The following PCDHA13 variants were observed in gnomAD, a reference collection of about 807,000 sequenced individuals.
PCDHA13 encodes the protein protocadherin alpha 13.
A neutral mutation model predicts 64.8 loss-of-function variants in PCDHA13; 54 were observed. That is an observed-to-expected ratio of 0.83 (90% CI 0.67 to 1.04). PCDHA13 has a LOEUF of 1.04. Among genes scored for constraint, PCDHA13 ranks in the 50% least tolerant of loss-of-function variants. The probability of loss-of-function intolerance (pLI) is 0.00; values close to 1 mark genes in which losing one functional copy is unlikely to be tolerated. For synonymous variants in PCDHA13, 587 were observed against 564.4 expected, an observed-to-expected ratio of 1.04 and a Z score of -0.57; for missense variants, 1,248 against 1,254.3, an observed-to-expected ratio of 0.99 and a Z score of 0.08.
intron 1 of PCDHA13, among the ~76,000 whole-genome samples, chr5:140,948,267 A>G (rs964252489): frequency 1.3e-5 from 2 of 151,646 alleles, no homozygotes. Flanking sequence ...GTGTTCATGT[A>G]GAATATCTGT....
At chr5:140,902,395 G>A (rs782771913) in intron 1 of PCDHA13, among the ~76,000 whole-genome samples, 2 of 151,802 alleles carry the variant, frequency 1.3e-5, no homozygotes, top group Non-Finnish European at 2.9e-5. Context: ...GTACTATGTT[G>A]AATACTATGT....
chr5:140,939,967 C>T (rs527732118), intron 1 of PCDHA13, among the ~76,000 whole-genome samples: 8 of 152,210 alleles, frequency 5.3e-5, no homozygotes, highest in African/African-American at 1.7e-4. Context: ...AAGTGTTCCA[C>T]GATGAATAGT....
chr5:140,900,651 A>G (rs1386674800), intron 1 of PCDHA13, among the ~76,000 whole-genome samples: 3 of 152,232 alleles, frequency 2.0e-5, no homozygotes, highest in African/African-American at 7.2e-5. Flanking sequence ...ACACTGCTGC[A>G]ATGAACAATG....
At chr5:140,916,417 A>G (rs2077566178) in intron 1 of PCDHA13, among the ~76,000 whole-genome samples, 1 of 152,246 alleles carries the variant, frequency 6.6e-6, no homozygotes. Flanking sequence ...AAGTCAGCAC[A>G]TCTCAGAACC....
At chr5:140,885,664 A>G (rs2060680895) in intron 1 of PCDHA13, among the ~76,000 whole-genome samples, 1 of 152,174 alleles carries the variant, frequency 6.6e-6, no homozygotes, top group Non-Finnish European at 1.5e-5. Context: ...ACCAGTTATG[A>G]GCACTCTTTC....
chr5:140,982,224 A>T, intron 2 of PCDHA13: 1 of 587,320 alleles, frequency 1.7e-6, no homozygotes, highest in South Asian at 3.8e-5. Context: ...TGGCGTTAAT[A>T]AAAAACAGAA....
At chr5:141,007,318 A>C (rs2098314985) in intron 3 of PCDHA13, among the ~76,000 whole-genome samples, 1 of 151,736 alleles carries the variant, frequency 6.6e-6, no homozygotes, top group South Asian at 2.1e-4. Flanking sequence ...TGGGAGGCTA[A>C]AGTGGACAGA....
chr5:140,926,495 T>G (rs1033428952), intron 1 of PCDHA13: 3 of 181,806 alleles, frequency 1.7e-5, no homozygotes, highest in Non-Finnish European at 3.4e-5. Flanking sequence ...TGTTAGTGTC[T>G]CGGGGCGTCT....
In PCDHA13 at chr5:140,978,000, T is replaced by G. The variant is rs564788160; in HGVS notation, c.2395-949T>G. 2.0e-5 allele frequency among the ~76,000 whole-genome samples: 3 copies of G among 152,212 alleles called. No homozygotes were observed. In the South Asian group the frequency reaches 6.2e-4, roughly 32 times the overall value. On this transcript the variant is annotated intron_variant, in intron 1 of 3. Coordinates refer to ENST00000289272, the MANE Select transcript of PCDHA13 (RefSeq NM_018904.3). ...AACGCATCTAGAGGAGTGTCACAAG[T>G]TTTTCACAGTGACATTTTTGCTTAC...
chr5:140,999,338 G>T (rs1451765927), intron 3 of PCDHA13, among the ~76,000 whole-genome samples: 2 of 152,126 alleles, frequency 1.3e-5, no homozygotes, highest in African/African-American at 2.4e-5. Context: ...TGATTTATAA[G>T]CCTTGTCTCT....
At chr5:140,891,970 C>T (rs1554185021) in intron 1 of PCDHA13, among the ~76,000 whole-genome samples, 1 of 152,168 alleles carries the variant, frequency 6.6e-6, no homozygotes, top group African/African-American at 2.4e-5. Flanking sequence ...AGTAAATTTC[C>T]GTTCTCATAA....
intron 1 of PCDHA13, 150 bp downstream of exon 1, chr5:140,884,812 G>A: frequency 9.0e-7 from 1 of 1,117,104 alleles, no homozygotes; most frequent in Non-Finnish European, 1.2e-6. Flanking sequence ...ACTCTGCTGT[G>A]GACATTATGT....
At chr5:140,970,663 CAAAT>C (rs1216768545) in intron 1 of PCDHA13, among the ~76,000 whole-genome samples, 1 of 152,136 alleles carries the variant, frequency 6.6e-6, no homozygotes, top group Non-Finnish European at 1.5e-5. Flanking sequence ...GTTATCTTTC[CAAAT>C]AACTACTTTG....
chr5:140,945,605 C>G (rs564297850), intron 1 of PCDHA13, among the ~76,000 whole-genome samples: 1 of 152,166 alleles, frequency 6.6e-6, no homozygotes, highest in East Asian at 1.9e-4. Context: ...CTATAATAAT[C>G]AAAACAGCAT....
In PCDHA13 at chr5:141,011,970, C is replaced by T. The variant is rs975637071; in HGVS notation, c.*2033C>T. ...AGCATTAAATTTAAAAAAAAACTGT[C>T]TTGTCTACTTTTAGCTTCATTCTCC... On this transcript the variant is annotated 3_prime_UTR_variant, in exon 4 of 4. Coordinates refer to ENST00000289272, the MANE Select transcript of PCDHA13 (RefSeq NM_018904.3). 6.5e-6 allele frequency: 1 copy of T among 153,576 alleles called. No homozygotes were observed. Among genetic ancestry groups the T allele is most frequent in the African/African-American group, 2.4e-5 (1 of 41,406 alleles). The allele number at this position is 153,576 out of a possible 1,614,324, so 9.5% of individuals were successfully genotyped here.
At chr5:140,898,664 G>C (rs1360946717) in intron 1 of PCDHA13, among the ~76,000 whole-genome samples, 1 of 152,190 alleles carries the variant, frequency 6.6e-6, no homozygotes, top group Non-Finnish European at 1.5e-5. Flanking sequence ...GATTGACTTG[G>C]TGTTGCGGGC....
intron 1 of PCDHA13, chr5:140,968,160 A>G: frequency 7.4e-6 from 12 of 1,614,104 alleles, no homozygotes; most frequent in Non-Finnish European, 1.0e-5. Context: ...ATCAATGACA[A>G]TCCACCAAGC....
chr5:141,006,356 C>T (rs1342790572), intron 3 of PCDHA13, among the ~76,000 whole-genome samples: 4 of 151,920 alleles, frequency 2.6e-5, no homozygotes, highest in South Asian at 2.1e-4. Flanking sequence ...GGACTATAGG[C>T]GCCCACCACC....
intron 1 of PCDHA13, among the ~76,000 whole-genome samples, chr5:140,891,866 T>C (rs2063289213): frequency 6.6e-6 from 1 of 152,184 alleles, no homozygotes; most frequent in Non-Finnish European, 1.5e-5. Flanking sequence ...TCTCTTATGC[T>C]TTTGGCTCTG....
Sources: gnomAD v4.1 joint callset for allele counts (sites outside exome capture counted in the v4.1 genomes callset) on GRCh38, gnomAD v4.1.1 for gene constraint, MANE v1.5 for transcripts, NCBI Gene and HGNC (gene_info 2026-07-23, HGNC 2026-07-21) for gene names.